The following AGBL4 variants were observed in gnomAD, a reference collection of about 807,000 sequenced individuals.
AGBL4 encodes AGBL carboxypeptidase 4, also known as cytosolic carboxypeptidase 6.
In AGBL4, 58 loss-of-function variants were observed where a neutral mutation model predicts 66.4. The observed-to-expected ratio is 0.87, with a 90% CI of 0.71 to 1.09. AGBL4 has a LOEUF of 1.09. Among genes scored for constraint, AGBL4 ranks in the 50% least tolerant of loss-of-function variants. The probability of loss-of-function intolerance (pLI) is 0.00; values close to 1 mark genes in which losing one functional copy is unlikely to be tolerated. For missense variants in AGBL4, 579 were observed against 631.0 expected (o/e 0.92, Z 0.88); for synonymous variants, 234 against 222.9 (o/e 1.05, Z -0.44).
chr1:49,973,654 T>C (rs2148368872), intron 1 of AGBL4, among the ~76,000 whole-genome samples: 1 of 148,410 alleles, frequency 6.7e-6, no homozygotes, highest in East Asian at 1.9e-4. Context: ...TAAATAATTA[T>C]ATGGTATATG....
At chr1:49,688,975 C>T (rs935260905) in intron 3 of AGBL4, among the ~76,000 whole-genome samples, 23 of 152,072 alleles carry the variant, frequency 1.5e-4, no homozygotes, top group African/African-American at 5.5e-4. Flanking sequence ...TTATTAATCC[C>T]TTGTCAGGTG....
intron 3 of AGBL4, among the ~76,000 whole-genome samples, chr1:49,384,687 AACCACAAT>A (rs1331073366): frequency 1.3e-5 from 2 of 152,174 alleles, no homozygotes; most frequent in East Asian, 3.9e-4. Flanking sequence ...TGCAAGTCAA[AACCACAAT>A]ACCTATCATT....
At chr1:49,875,687 G>A (rs1286521397) in intron 1 of AGBL4, among the ~76,000 whole-genome samples, 4 of 142,526 alleles carry the variant, frequency 2.8e-5, no homozygotes, top group African/African-American at 5.2e-5. Context: ...TGGGATGGCT[G>A]GGTCAAATGG....
In AGBL4 at chr1:49,017,870, G is replaced by A. The variant is rs114940642; in HGVS notation, c.594+27714C>T. On this transcript the variant is annotated intron_variant, in intron 5 of 13. Transcript: ENST00000371839. ...ATATTGCTTTTGGCCACAGACCAAA[G>A]GTGTTTCAGGGCCCAGAAAAACTAA... Among the ~76,000 whole-genome samples the A allele has an allele frequency of 2.2e-3, 328 of 152,282 alleles. 5 individuals carry two copies. The highest frequency in any genetic ancestry group is 7.4e-3 in the African/African-American group (306 of 41,564).
intron 5 of AGBL4, among the ~76,000 whole-genome samples, chr1:49,045,042 C>G (rs1644043508): frequency 6.6e-6 from 1 of 152,106 alleles, no homozygotes; most frequent in African/African-American, 2.4e-5. Context: ...TCTCTAGACC[C>G]AGGAAACTAA....
At chr1:48,889,989 C>T (rs867916945) in intron 5 of AGBL4, among the ~76,000 whole-genome samples, 7 of 148,752 alleles carry the variant, frequency 4.7e-5, no homozygotes, top group Middle Eastern at 3.5e-3. Context: ...AGCCTGCTTG[C>T]GTGTGTGTGT....
chr1:49,114,774 A>G (rs1271896273), intron 4 of AGBL4, among the ~76,000 whole-genome samples: 6 of 152,170 alleles, frequency 3.9e-5, no homozygotes, highest in Non-Finnish European at 8.8e-5. Flanking sequence ...AGGAAGGAGA[A>G]GGGCTGATCA....
At chr1:49,716,551 C>T (rs1648154469) in intron 2 of AGBL4, among the ~76,000 whole-genome samples, 1 of 151,990 alleles carries the variant, frequency 6.6e-6, no homozygotes, top group East Asian at 1.9e-4. Context: ...AAACCAAATC[C>T]ACAAGCACAT....
At chr1:49,003,473 A>G (rs770312652) in intron 5 of AGBL4, among the ~76,000 whole-genome samples, 1 of 152,212 alleles carries the variant, frequency 6.6e-6, no homozygotes, top group Non-Finnish European at 1.5e-5. Context: ...TAATATGGGG[A>G]GAAGACGAGA....
chr1:49,022,561 A>G (rs148362056), intron 5 of AGBL4, among the ~76,000 whole-genome samples: 14 of 152,156 alleles, frequency 9.2e-5, no homozygotes, highest in Non-Finnish European at 1.3e-4. Context: ...GGGGAGACCC[A>G]CATCCAGGAC....
At chr1:49,257,756 T>G (rs529487820) in intron 3 of AGBL4, among the ~76,000 whole-genome samples, 1 of 152,212 alleles carries the variant, frequency 6.6e-6, no homozygotes, top group East Asian at 1.9e-4. Context: ...ACCCATCTTC[T>G]GCGTCACTCA....
chr1:48,558,211 G>T (rs994149271), intron 11 of AGBL4, among the ~76,000 whole-genome samples: 1 of 152,084 alleles, frequency 6.6e-6, no homozygotes, highest in Non-Finnish European at 1.5e-5. Flanking sequence ...CTTTAATCAC[G>T]CATCCTCGCT....
chr1:49,886,110 CACTT>C (rs1219854381), intron 1 of AGBL4, among the ~76,000 whole-genome samples: 2 of 152,164 alleles, frequency 1.3e-5, no homozygotes, highest in African/African-American at 4.8e-5. Context: ...ACACAGGAAT[CACTT>C]ACACCTTTTT....
At chr1:48,849,401 T>A (rs976301538) in intron 6 of AGBL4, among the ~76,000 whole-genome samples, 1 of 152,262 alleles carries the variant, frequency 6.6e-6, no homozygotes, top group Non-Finnish European at 1.5e-5. Context: ...AAAAGTATGC[T>A]GGTCATAAAT....
intron 2 of AGBL4, among the ~76,000 whole-genome samples, chr1:49,712,533 T>C (rs1361393540): frequency 1.3e-5 from 2 of 151,812 alleles, no homozygotes; most frequent in African/African-American, 2.4e-5. Flanking sequence ...AGAGATGTAA[T>C]GTATAACATG....
intron 3 of AGBL4, among the ~76,000 whole-genome samples, chr1:49,252,565 A>G (rs1446089589): frequency 6.6e-6 from 1 of 152,194 alleles, no homozygotes; most frequent in Non-Finnish European, 1.5e-5. Flanking sequence ...AGAGAACTCC[A>G]GTAAGATACT....
chr1:49,382,462 C>T (rs1487575091), intron 3 of AGBL4, among the ~76,000 whole-genome samples: 1 of 151,798 alleles, frequency 6.6e-6, no homozygotes, highest in African/African-American at 2.4e-5. Context: ...AATTCAATAC[C>T]CTTTCATGAT....
At chr1:49,606,126 G>A (rs1645059150) in intron 3 of AGBL4, among the ~76,000 whole-genome samples, 1 of 152,124 alleles carries the variant, frequency 6.6e-6, no homozygotes, top group Non-Finnish European at 1.5e-5. Flanking sequence ...TCTAAGAAAA[G>A]TTGCCCTAGT....
chr1:48,943,951 A>G (rs2148918619), intron 5 of AGBL4, among the ~76,000 whole-genome samples: 1 of 152,178 alleles, frequency 6.6e-6, no homozygotes, highest in East Asian at 1.9e-4. Context: ...ACAGAACAAT[A>G]GCATGCCAGG....
Sources: allele counts gnomAD v4.1 joint callset (sites outside exome capture counted in the v4.1 genomes callset), GRCh38; gene constraint gnomAD v4.1.1; transcripts MANE v1.5; gene names NCBI Gene and HGNC (gene_info 2026-07-23, HGNC 2026-07-21).